The following RNF150 variants were observed in gnomAD, a reference collection of about 807,000 sequenced individuals.
The protein encoded by RNF150 is ring finger protein 150.
A neutral mutation model predicts 39.3 loss-of-function variants in RNF150; 24 were observed. The observed-to-expected ratio is 0.61, with a 90% confidence interval of 0.44 to 0.86. The LOEUF is 0.86. RNF150 is among the 40% of genes least tolerant of loss of function. RNF150 has a pLI of 0.00. For missense variants in RNF150, 502 were observed against 587.8 expected (o/e 0.85, Z 1.51); for synonymous variants, 255 against 227.3 (o/e 1.12, Z -1.10).
At chr4:141,135,253 A>G (rs1196228131), upstream of RNF150, among the ~76,000 whole-genome samples, 2 of 152,266 alleles carry the variant, frequency 1.3e-5, no homozygotes, top group Admixed American at 6.5e-5. Flanking sequence ...GTGTGCACAC[A>G]TATATACCAT....
intron 1 of RNF150, among the ~76,000 whole-genome samples, chr4:141,020,368 G>C (rs10857388): frequency 0.96 from 145,691 of 152,196 alleles, 70,049 homozygotes; most frequent in East Asian, 1. Flanking sequence ...ACATTCTAAG[G>C]TAAGGTAAAG....
intron 1 of RNF150, among the ~76,000 whole-genome samples, chr4:141,007,867 T>C (rs138797351): frequency 6.6e-6 from 1 of 152,292 alleles, no homozygotes; most frequent in Non-Finnish European, 1.5e-5. Context: ...AAACAGTAGG[T>C]ATCCCTGCAT....
chr4:140,955,933 G>C (rs1945824737), intron 2 of RNF150, among the ~76,000 whole-genome samples: 2 of 152,204 alleles, frequency 1.3e-5, no homozygotes, highest in South Asian at 4.1e-4. Context: ...ATTAGGAAAA[G>C]TTATTCTCAG....
At chr4:140,907,561 A>G (rs773755295) in intron 6 of RNF150, among the ~76,000 whole-genome samples, 1 of 152,182 alleles carries the variant, frequency 6.6e-6, no homozygotes, top group Non-Finnish European at 1.5e-5. Context: ...CAGGAAAGAA[A>G]GAATAGAGGT....
chr4:141,112,737 G>A (rs1739427176), intron 1 of RNF150, among the ~76,000 whole-genome samples: 1 of 152,034 alleles, frequency 6.6e-6, no homozygotes, highest in African/African-American at 2.4e-5. Flanking sequence ...TCTTTGTGGT[G>A]TTCTCTGTAT....
At chr4:141,080,101 AAAC>A (rs1738093690) in intron 1 of RNF150, among the ~76,000 whole-genome samples, 1 of 152,228 alleles carries the variant, frequency 6.6e-6, no homozygotes, top group Admixed American at 6.5e-5. Context: ...GTATTTGAAC[AAAC>A]AAAAAAGTAA....
chr4:141,091,367 T>C (rs996513404), intron 1 of RNF150, among the ~76,000 whole-genome samples: 1 of 152,204 alleles, frequency 6.6e-6, no homozygotes, highest in South Asian at 2.1e-4. Flanking sequence ...TTTGAGATTT[T>C]TCTTTACGTT....
Position 141,121,070 on chromosome 4 carries a change from T to C in RNF150, c.484+11255A>G, listed in dbSNP as rs57812053. 1.1e-4 allele frequency among the ~76,000 whole-genome samples: 17 copies of C among 152,296 alleles called. No homozygotes were observed. The East Asian group carries it at 2.9e-3, about 26-fold the overall frequency. On this transcript the variant is annotated intron_variant, in intron 1 of 6. Transcript: ENST00000515673. ...CTGTGGACAATAATTACAGTTTTCA[T>C]GTATTACATGCTCAGAGTCACCCCT...
chr4:140,921,914 A>C (rs1731170430), intron 5 of RNF150, among the ~76,000 whole-genome samples: 1 of 151,982 alleles, frequency 6.6e-6, no homozygotes, highest in Non-Finnish European at 1.5e-5. Flanking sequence ...GACAAAATTC[A>C]ACAACGCTTC....
intron 1 of RNF150, among the ~76,000 whole-genome samples, chr4:141,045,519 T>C (rs1560707136): frequency 6.6e-6 from 1 of 152,126 alleles, no homozygotes; most frequent in Non-Finnish European, 1.5e-5. Flanking sequence ...TAGGAACACA[T>C]TCTTTTTTTA....
chr4:141,158,401 T>C (rs1727453383), intron 1 of RNF150, among the ~76,000 whole-genome samples: 1 of 151,756 alleles, frequency 6.6e-6, no homozygotes, highest in Non-Finnish European at 1.5e-5. Context: ...TATAAAGTAC[T>C]ATGACCAGTT....
intron 1 of RNF150, among the ~76,000 whole-genome samples, chr4:141,074,599 G>T (rs528987317): frequency 2.6e-5 from 4 of 152,230 alleles, no homozygotes; most frequent in African/African-American, 9.6e-5. Context: ...AAAGCCCAGA[G>T]GCTAGGACTG....
intron 1 of RNF150, among the ~76,000 whole-genome samples, chr4:141,023,711 C>T (rs1469794122): frequency 1.3e-5 from 2 of 152,158 alleles, no homozygotes; most frequent in African/African-American, 4.8e-5. Context: ...ATCCACATTT[C>T]AAGTGCTCAA....
chr4:141,211,929 A>G (rs1728475115), intron 1 of RNF150, among the ~76,000 whole-genome samples: 1 of 152,220 alleles, frequency 6.6e-6, no homozygotes, highest in Non-Finnish European at 1.5e-5. Flanking sequence ...TAATAGAAGA[A>G]TAGAATTTAA....
chr4:141,117,083 C>T (rs1479422911), intron 1 of RNF150, among the ~76,000 whole-genome samples: 1 of 151,952 alleles, frequency 6.6e-6, no homozygotes, highest in Admixed American at 6.6e-5. Flanking sequence ...CACCATGGCA[C>T]GTGTATACCT....
chr4:141,111,079 C>T (rs1184958154), intron 1 of RNF150, among the ~76,000 whole-genome samples: 1 of 152,092 alleles, frequency 6.6e-6, no homozygotes, highest in Non-Finnish European at 1.5e-5. Context: ...AATTACACAG[C>T]CCTCACAGCT....
chr4:141,088,678 TACACACACACAC>T (rs60239559), intron 1 of RNF150, among the ~76,000 whole-genome samples: 8 of 146,498 alleles, frequency 5.5e-5, no homozygotes, highest in Non-Finnish European at 1.2e-4. Flanking sequence ...ACTTTGCTTT[TACACACACACAC>T]ACACACACAC....
intron 1 of RNF150, among the ~76,000 whole-genome samples, chr4:141,046,013 A>G (rs1020788243): frequency 6.6e-6 from 1 of 152,218 alleles, no homozygotes; most frequent in African/African-American, 2.4e-5. Flanking sequence ...GTTGAGTTGA[A>G]ATAAATGATA....
intron 1 of RNF150, among the ~76,000 whole-genome samples, chr4:141,073,026 C>T (rs1737763517): frequency 1.3e-5 from 2 of 152,062 alleles, no homozygotes; most frequent in Admixed American, 1.3e-4. Context: ...CACACAAGTT[C>T]CATTATCTGT....
Sources: allele counts gnomAD v4.1 joint callset (sites outside exome capture counted in the v4.1 genomes callset), GRCh38; gene constraint gnomAD v4.1.1; transcripts MANE v1.5; gene names NCBI Gene and HGNC (gene_info 2026-07-23, HGNC 2026-07-21).